CAPRIN2: variants seen among roughly 807,000 people sequenced by gnomAD.
CAPRIN2 encodes caprin family member 2.
A neutral mutation model predicts 130.4 loss-of-function variants in CAPRIN2; 66 were observed. The observed-to-expected ratio is 0.51, with a 90% CI of 0.42 to 0.62. CAPRIN2 has a LOEUF of 0.62. Among genes scored for constraint, CAPRIN2 ranks in the 20% least tolerant of loss-of-function variants. CAPRIN2 has a pLI of 0.00. For synonymous variants in CAPRIN2, 471 were observed against 444.1 expected (o/e 1.06, Z -0.76); for missense variants, 1,185 against 1,246.6 (o/e 0.95, Z 0.74).
At chr12:30,715,713 T>C (rs917180525) in intron 13 of CAPRIN2, 9 of 217,052 alleles carry the variant, frequency 4.1e-5, no homozygotes, top group African/African-American at 7.2e-5. Flanking sequence ...GCAGGCTAAA[T>C]ACTCCAGATG....
At chr12:30,723,663 A>G (rs1257973424) in intron 10 of CAPRIN2, among the ~76,000 whole-genome samples, 1 of 152,030 alleles carries the variant, frequency 6.6e-6, no homozygotes, top group African/African-American at 2.4e-5. Flanking sequence ...GATAAACTTA[A>G]TTTTCACAAA....
chr12:30,724,800 G>A (rs2060417592), intron 9 of CAPRIN2, among the ~76,000 whole-genome samples: 1 of 151,962 alleles, frequency 6.6e-6, no homozygotes, highest in Admixed American at 6.6e-5. Flanking sequence ...AGACCGGCAT[G>A]GAAAAAAAGC....
Position 30,723,242 on chromosome 12 carries a change from T to G in CAPRIN2, c.2043+17A>C. 2 of 1,576,598 alleles carry G rather than the reference T, an allele frequency of 1.3e-6. No homozygotes were observed. Among genetic ancestry groups the G allele is most frequent in the Non-Finnish European group, 1.7e-6 (2 of 1,146,712 alleles). On this transcript the variant is annotated intron_variant, in intron 11 of 16. Transcript: ENST00000298892. ...TCCTTGAGCAGCAAAGAATAAAAGA[T>G]TAATTTGGAAAGTTACCTGTAACGG... is the stretch of plus-strand genomic sequence containing the variant.
chr12:30,732,161 T>G (rs796927603), intron 5 of CAPRIN2, among the ~76,000 whole-genome samples: 1 of 152,074 alleles, frequency 6.6e-6, no homozygotes, highest in African/African-American at 2.4e-5. Context: ...TGTTTGTCCT[T>G]CCTACCACCT....
chr12:30,747,881 A>G (rs558124960), intron 2 of CAPRIN2, among the ~76,000 whole-genome samples: 13 of 152,188 alleles, frequency 8.5e-5, no homozygotes, highest in South Asian at 2.1e-4. Flanking sequence ...GCTGACTCTA[A>G]CACTCGTGGA....
intron 14 of CAPRIN2, 181 bp downstream of exon 16, chr12:30,714,778 G>A: frequency 2.2e-6 from 1 of 446,264 alleles, no homozygotes; most frequent in African/African-American, 2.0e-5. Flanking sequence ...TTTTCATACA[G>A]AAAATTAGTT....
chr12:30,737,374 T>A (rs1015152715), intron 3 of CAPRIN2, among the ~76,000 whole-genome samples: 2 of 152,080 alleles, frequency 1.3e-5, no homozygotes, highest in Non-Finnish European at 2.9e-5. Context: ...GCACAGAGTC[T>A]GACAAATATC....
intron 5 of CAPRIN2, among the ~76,000 whole-genome samples, chr12:30,732,309 T>G (rs1179627276): frequency 6.6e-6 from 1 of 152,048 alleles, no homozygotes; most frequent in Non-Finnish European, 1.5e-5. Flanking sequence ...TTCATTTTAG[T>G]CTATTATTCC....
intron 7 of CAPRIN2, among the ~76,000 whole-genome samples, chr12:30,729,746 T>C (rs181424350): frequency 2.4e-4 from 37 of 152,364 alleles, no homozygotes; most frequent in African/African-American, 8.2e-4. Context: ...ATTTCCTAAG[T>C]TACCAGTGTT....
At chr12:30,740,327 G>T (rs1022104752) in intron 3 of CAPRIN2, among the ~76,000 whole-genome samples, 1 of 151,958 alleles carries the variant, frequency 6.6e-6, no homozygotes, top group Non-Finnish European at 1.5e-5. Context: ...AAATAGAAGA[G>T]ATTATCTTAT....
At chr12:30,752,413 T>C (rs2074426415) in intron 1 of CAPRIN2, among the ~76,000 whole-genome samples, 1 of 152,274 alleles carries the variant, frequency 6.6e-6, no homozygotes, top group East Asian at 1.9e-4. Context: ...GCTCCGTCAA[T>C]AGATCCTGCT....
intron 11 of CAPRIN2, among the ~76,000 whole-genome samples, chr12:30,721,843 TG>T (rs1337245880): frequency 6.6e-6 from 1 of 152,182 alleles, no homozygotes; most frequent in African/African-American, 2.4e-5. Flanking sequence ...TAAGATCTTA[TG>T]GAAAAAAATA....
In CAPRIN2 at chr12:30,719,093, G is replaced by C. The variant is rs1359690974; in HGVS notation, c.2148+1718C>G. The C allele has an allele frequency of 6.2e-7, 1 of 1,613,766 alleles. No individual in the cohort carries two copies. The highest frequency in any genetic ancestry group is 1.7e-5 in the Admixed American group (1 of 60,002). ...TTCATACTCACTGTCTGCATGGCTT[G>C]AAAGGGTGCTGTGTTAATGGTTACT... On this transcript the variant is annotated intron_variant, in intron 12 of 16. Coordinates refer to ENST00000298892, the Ensembl canonical transcript of CAPRIN2.
intron 2 of CAPRIN2, among the ~76,000 whole-genome samples, chr12:30,742,703 T>C (rs1455296393): frequency 1.3e-5 from 2 of 150,624 alleles, no homozygotes; most frequent in East Asian, 1.9e-4. Flanking sequence ...AAAAATGGTC[T>C]TAAAAGCAAG....
Position 30,740,146 on chromosome 12 carries a change from G to A in CAPRIN2, c.570+874C>T, listed in dbSNP as rs529378301. On this transcript the variant is annotated intron_variant, in intron 3 of 16. Transcript: ENST00000298892. ...TAGGCCAGGGCGACTGCTCACACCT[G>A]TAATCCCAGCATTTTGGGAGGCCAA... 2.0e-5 allele frequency among the ~76,000 whole-genome samples: 3 copies of A among 152,218 alleles called. No homozygotes were observed. The South Asian group carries it at 6.2e-4, about 32-fold the overall frequency.
chr12:30,738,572 T>C (rs1359893488), intron 3 of CAPRIN2, among the ~76,000 whole-genome samples: 1 of 152,146 alleles, frequency 6.6e-6, no homozygotes, highest in Admixed American at 6.5e-5. Flanking sequence ...CTAATTAAAC[T>C]TAAGGGCTTT....
At chr12:30,748,456 C>G (rs1201912504) in intron 2 of CAPRIN2, among the ~76,000 whole-genome samples, 1 of 152,204 alleles carries the variant, frequency 6.6e-6, no homozygotes, top group African/African-American at 2.4e-5. Context: ...AATTTTTAAT[C>G]AAGGTGTGTA....
At chr12:30,724,625 GATAAAGAA>G (rs1299081522) in intron 9 of CAPRIN2, among the ~76,000 whole-genome samples, 174 bp from the exon 11 acceptor site, 2 of 152,084 alleles carry the variant, frequency 1.3e-5, no homozygotes, top group Non-Finnish European at 2.9e-5. Context: ...AGTCTCCATA[GATAAAGAA>G]ATTAAGAATT....
intron 13 of CAPRIN2, chr12:30,715,391 C>T (rs143910746): frequency 3.4e-6 from 2 of 582,416 alleles, no homozygotes; most frequent in East Asian, 3.8e-5. Context: ...ACCCTTAAGA[C>T]ATGCCAAGTA....
Sources: allele counts gnomAD v4.1 joint callset (sites outside exome capture counted in the v4.1 genomes callset), GRCh38; gene constraint gnomAD v4.1.1; transcripts MANE v1.5; gene names NCBI Gene and HGNC (gene_info 2026-07-23, HGNC 2026-07-21).